Variants in COL1A2 observed in about 807,000 individuals in gnomAD.
The protein encoded by COL1A2 is collagen alpha-2(I) chain.
COL1A2 carries 49 observed loss-of-function variants against 174.3 expected under a neutral mutation model. The ratio of observed to expected loss-of-function variants is 0.28; its 90% CI spans 0.22 to 0.36. The LOEUF (loss-of-function observed/expected upper bound fraction) is 0.36, where lower values mean the gene tolerates loss of function less well. COL1A2 is among the 10% of genes least tolerant of loss of function. The probability of loss-of-function intolerance (pLI) is 1.00; values close to 1 mark genes in which losing one functional copy is unlikely to be tolerated. For missense variants in COL1A2, 1,438 were observed against 1,822.7 expected, an observed-to-expected ratio of 0.79 and a Z score of 3.84; for synonymous variants, 655 against 606.6, an observed-to-expected ratio of 1.08 and a Z score of -1.17.
chr7:94,429,539 A>C, intron 51 of COL1A2, 109 bp downstream of exon 51: 2 of 1,117,014 alleles, frequency 1.8e-6, no homozygotes, highest in Non-Finnish European at 2.7e-6. Flanking sequence ...GAACAGAAGA[A>C]TGAGAGAACT....
rs920730356 is a variant in COL1A2 at position 94,422,015 on chromosome 7, G to A, written c.2403+63G>A. The A allele has an allele frequency of 4.2e-6, 6 of 1,415,168 alleles. No individual in the cohort carries two copies. In the East Asian group the frequency reaches 1.1e-4, roughly 27 times the overall value. The allele number at this position is 1,415,168 out of a possible 1,614,324, so 87.7% of individuals were successfully genotyped here. A position where few individuals can be genotyped will look rare whatever the true frequency, so the allele number is the denominator to read the frequency against. ...AGCCAAAAGGCCTGGCTTCTGATAGGAAACTGGTAAGAAACTCTTCATGAA... is the reference window on the plus strand; with the variant it reads ...AGCCAAAAGGCCTGGCTTCTGATAGAAAACTGGTAAGAAACTCTTCATGAA... On this transcript the variant is annotated intron_variant, in intron 39 of 51. Coordinates refer to ENST00000297268, the MANE Select transcript of COL1A2 (RefSeq NM_000089.4).
At chr7:94,415,122 T>A in intron 29 of COL1A2, 104 bp from the exon 30 acceptor site, 1 of 989,540 alleles carries the variant, frequency 1.0e-6, no homozygotes, top group Non-Finnish European at 1.6e-6. Context: ...ATGTAGATAC[T>A]GCCAGGTTTA....
chr7:94,427,833 C>T lies in COL1A2; in HGVS notation c.3474C>T (p.Asn1158=). ...TLLTPEGSRK[N]PARTCRDLRL... ...TTACTCCTGAAGGCTCTAGAAAGAACCCAGCTCGCACATGCCGTGACTTGA... is the reference window on the plus strand; with the variant it reads ...TTACTCCTGAAGGCTCTAGAAAGAATCCAGCTCGCACATGCCGTGACTTGA... Residue 1158 remains asparagine (N), a synonymous_variant, in exon 49 of 52, where the codon AAC becomes AAT. Coordinates refer to ENST00000297268, the MANE Select transcript of COL1A2 (RefSeq NM_000089.4). 2 of 1,614,168 alleles carry T rather than the reference C, an allele frequency of 1.2e-6. No homozygotes were observed. Among genetic ancestry groups the T allele is most frequent in the Non-Finnish European group, 1.7e-6 (2 of 1,180,026 alleles).
intron 49 of COL1A2, 71 bp from the exon 50 acceptor site, chr7:94,428,222 A>G (rs1342571216): frequency 8.0e-7 from 1 of 1,243,682 alleles, no homozygotes; most frequent in Admixed American, 1.7e-5. Flanking sequence ...AGTATCTTTC[A>G]TTAGTTATTA....
In COL1A2 at chr7:94,424,446, G is replaced by T; in HGVS notation, c.2673+3G>T. On this transcript the variant is annotated splice_donor_region_variant and intron_variant, in intron 41 of 51. Transcript: ENST00000297268. ...TACCAGGTGTTGCTGGTGCTGTGGT[G>T]AGTGCTTGACAGTATTCTGACTCCA... 1.2e-6 allele frequency: 2 copies of T among 1,613,320 alleles called. No individual in the cohort carries two copies. The highest frequency in any genetic ancestry group is 1.7e-6 in the Non-Finnish European group (2 of 1,179,316).
At chr7:94,405,548 G>C (rs1791778337) in intron 10 of COL1A2, 125 bp from the exon 11 acceptor site, 1 of 893,886 alleles carries the variant, frequency 1.1e-6, no homozygotes, top group Non-Finnish European at 1.9e-6. Context: ...TCTGTGCTTA[G>C]AGGTATACTA....
intron 37 of COL1A2, 76 bp downstream of exon 37, chr7:94,420,724 C>A: frequency 7.7e-7 from 1 of 1,296,426 alleles, no homozygotes; most frequent in Non-Finnish European, 1.1e-6. Flanking sequence ...CCGTCAAGTG[C>A]CTGCTATGCA....
chr7:94,407,445 A>G (rs1791826620), intron 12 of COL1A2, among the ~76,000 whole-genome samples: 1 of 152,332 alleles, frequency 6.6e-6, no homozygotes, highest in South Asian at 2.1e-4. Flanking sequence ...TCAATTTTTC[A>G]TGCACATTTT....
chr7:94,425,801 C>T lies in COL1A2; in HGVS notation c.2887C>T (p.Pro963Ser), dbSNP rs760780128. 1 of 1,613,010 alleles carries T rather than the reference C, an allele frequency of 6.2e-7. No individual in the cohort carries two copies. The highest frequency in any genetic ancestry group is 1.1e-5 in the South Asian group (1 of 90,840). Residue 963 changes from proline to serine, a missense_variant, in exon 44 of 52, where the codon CCT becomes TCT. By Grantham distance (74) the Pro-to-Ser change is moderately conservative. Coordinates refer to ENST00000297268, the MANE Select transcript of COL1A2 (RefSeq NM_000089.4). ...TGGTCCCGTTGGTGCTGCAGGTGCA[C>T]CTGGTCCTCATGGCCCCGTGGGTCC... is the stretch of plus-strand genomic sequence containing the variant. ...NIGPVGAAGA[P>S]GPHGPVGPAG...
Position 94,412,690 on chromosome 7 carries a change from TCAC to T in COL1A2, c.1503+12_1503+14del, listed in dbSNP as rs772246319. 81 of 1,611,872 alleles carry T rather than the reference TCAC, an allele frequency of 5.0e-5. No homozygotes were observed. In the East Asian group the frequency reaches 1.7e-3, roughly 35 times the overall value. ...GGACCCAAAGGCCCCACTGTAAGAA[TCAC>T]CACAACTTTCTTACCCTCAGCACTT... On this transcript the variant is annotated intron_variant, in intron 25 of 51. Transcript: ENST00000297268.
chr7:94,404,780 T>A (rs745794581), intron 8 of COL1A2, 34 bp downstream of exon 8: 1 of 1,614,176 alleles, frequency 6.2e-7, no homozygotes. Context: ...TGATAAGTTT[T>A]TTTCCAGGAA....
rs1360450257 is a variant in COL1A2, at chr7:94,427,231, C to G, written c.3203C>G (p.Thr1068Ser). The G allele has an allele frequency of 6.2e-7, 1 of 1,613,838 alleles. No homozygotes were observed. The highest frequency in any genetic ancestry group is 1.3e-5 in the African/African-American group (1 of 74,890). ...PSGPAGKDGRTGHPGTVGPAG... is the reference protein window; with the variant it reads ...PSGPAGKDGRSGHPGTVGPAG... ...GGCCCTGCTGGAAAAGATGGTCGCA[C>G]TGGACATCCTGGTACAGTTGGACCT... Residue 1068 changes from threonine (T) to serine (S), a missense_variant, in exon 48 of 52, where the codon ACT becomes AGT. Physicochemically the swap from Thr to Ser is moderately conservative, Grantham distance 58 (BLOSUM62 1). Coordinates refer to ENST00000297268, the MANE Select transcript of COL1A2 (RefSeq NM_000089.4).
At position 94,406,222 on chromosome 7, in the gene COL1A2, G is replaced by A. The variant is rs370629424; in HGVS notation, c.541-28G>A. Reference sequence around the variant, plus strand: ...TTTGACCAAACACTATCATGGAACAGCATTTTATAATAAGGCTTTCCTTTC... The same window carrying A: ...TTTGACCAAACACTATCATGGAACAACATTTTATAATAAGGCTTTCCTTTC... On this transcript the variant is annotated intron_variant, in intron 11 of 51. Transcript: ENST00000297268. 4.3e-6 allele frequency: 7 copies of A among 1,610,418 alleles called. No homozygotes were observed. The African/African-American group carries it at 6.7e-5, about 15-fold the overall frequency.
At chr7:94,422,103 G>C in intron 39 of COL1A2, 151 bp downstream of exon 39, 1 of 591,134 alleles carries the variant, frequency 1.7e-6, no homozygotes, top group Admixed American at 3.0e-5. Flanking sequence ...GAACCATTAA[G>C]GTATTTCATC....
chr7:94,410,809 C>A, intron 21 of COL1A2, 80 bp from the exon 22 acceptor site: 1 of 1,460,858 alleles, frequency 6.8e-7, no homozygotes. Context: ...GTAAGGAGAT[C>A]ATGCTATTTT....
At chr7:94,412,515 C>T (rs1791949548) in intron 24 of COL1A2, 69 bp from the exon 25 acceptor site, 2 of 1,173,210 alleles carry the variant, frequency 1.7e-6, no homozygotes, top group Admixed American at 1.9e-5. Flanking sequence ...TCATCCGTGG[C>T]AGCATCATAA....
chr7:94,404,996 C>G (rs1791766041), intron 9 of COL1A2, 104 bp downstream of exon 9: 2 of 1,297,284 alleles, frequency 1.5e-6, no homozygotes, highest in South Asian at 2.4e-5. Flanking sequence ...GCTGAATATG[C>G]CTGACAGAAC....
At position 94,430,340 on chromosome 7, in the gene COL1A2, G is replaced by A. The variant is rs193922170; in HGVS notation, c.4048G>A (p.Gly1350Ser). Residue 1350 changes from glycine to serine, a missense_variant, in exon 52 of 52, where the codon GGT becomes AGT. Gly to Ser is a moderately conservative substitution (Grantham distance 56, BLOSUM62 0). Coordinates refer to ENST00000297268, the MANE Select transcript of COL1A2 (RefSeq NM_000089.4). The part of the protein sequence containing the change: ...PFLDIAPLDI[G>S]GADQEFFVDI... ...CCTTGATATTGCACCTTTGGACATC[G>A]GTGGTGCTGACCAGGAATTCTTTGT... The A allele has an allele frequency of 6.0e-5, 97 of 1,613,840 alleles. No homozygotes were observed. Among genetic ancestry groups the A allele is most frequent in the East Asian group, 4.2e-4 (19 of 44,886 alleles).
chr7:94,410,849 G>T (rs1278193033), intron 21 of COL1A2, 40 bp from the exon 22 acceptor site: 3 of 1,603,808 alleles, frequency 1.9e-6, no homozygotes, highest in Non-Finnish European at 2.6e-6. Context: ...AAAGCCAAGA[G>T]ATTTCTTTAA....
Sources: allele counts gnomAD v4.1 joint callset (sites outside exome capture counted in the v4.1 genomes callset), GRCh38; gene constraint gnomAD v4.1.1; transcripts MANE v1.5; gene names NCBI Gene and HGNC (gene_info 2026-07-23, HGNC 2026-07-21).